AKAP8: variants seen among roughly 807,000 people sequenced by gnomAD.
AKAP8 encodes A-kinase anchor protein 8.
A neutral mutation model predicts 67.5 loss-of-function variants in AKAP8; 24 were observed. The observed-to-expected ratio is 0.36, with a 90% CI of 0.26 to 0.50. AKAP8 has a LOEUF of 0.50. AKAP8 is among the 20% of genes least tolerant of loss of function. The pLI is 0.97. For synonymous variants in AKAP8, 400 were observed against 371.1 expected, an observed-to-expected ratio of 1.08 and a Z score of -0.90; for missense variants, 971 against 955.9, an observed-to-expected ratio of 1.02 and a Z score of -0.21.
At chr19:15,362,288 A>G (rs12981273) in intron 9 of AKAP8, 37 bp from the exon 10 acceptor site, 1 of 1,611,344 alleles carries the variant, frequency 6.2e-7, no homozygotes, top group Non-Finnish European at 8.5e-7. Flanking sequence ...TGAAGCAGGG[A>G]GCATCAGCGA....
At chr19:15,370,281 A>T (rs1266375478) in intron 7 of AKAP8, 102 bp from the exon 8 acceptor site, 5 of 1,362,550 alleles carry the variant, frequency 3.7e-6, no homozygotes, top group Non-Finnish European at 5.2e-6. Context: ...GTCTCACCCA[A>T]GACCTAGGTT....
chr19:15,373,704 CCTCAA>C, intron 4 of AKAP8, 77 bp downstream of exon 4: 1 of 1,473,022 alleles, frequency 6.8e-7, no homozygotes, highest in Non-Finnish European at 9.0e-7. Context: ...ACAGGCCCTC[CCTCAA>C]GAGTGGGTGC....
At chr19:15,366,154 G>GAAAAAAAAAAAAAACAAAAAAA (rs374068497) in intron 9 of AKAP8, among the ~76,000 whole-genome samples, 1 of 95,016 alleles carries the variant, frequency 1.1e-5, no homozygotes, top group Non-Finnish European at 1.9e-5. Context: ...AAAGCAAAAA[G>GAAAAAAAAAAAAAACAAAAAAA]AAAAAAAAAA....
intron 5 of AKAP8, among the ~76,000 whole-genome samples, 199 bp downstream of exon 5, chr19:15,372,652 A>T (rs769281137): frequency 1.3e-5 from 2 of 152,074 alleles, no homozygotes; most frequent in Non-Finnish European, 2.9e-5. Context: ...TAATGAGAAG[A>T]AGTTTCTCTT....
At chr19:15,374,923 C>G (rs1255916900) in intron 2 of AKAP8, among the ~76,000 whole-genome samples, 2 of 152,220 alleles carry the variant, frequency 1.3e-5, no homozygotes, top group Non-Finnish European at 2.9e-5. Context: ...GGCTGCTGGC[C>G]AAGAGGTTGG....
intron 8 of AKAP8, chr19:15,368,861 C>CA (rs1034919819): frequency 1.2e-4 from 115 of 985,152 alleles, no homozygotes; most frequent in Non-Finnish European, 1.3e-4. Flanking sequence ...CTTCCACTCA[C>CA]AAAAACCGTC....
intron 11 of AKAP8, 102 bp from the exon 12 acceptor site, chr19:15,361,080 CAGA>C: frequency 7.0e-7 from 1 of 1,428,418 alleles, no homozygotes; most frequent in East Asian, 2.4e-5. Context: ...TCTAAGGAAT[CAGA>C]AGGGCACAGC....
At chr19:15,366,114 G>T (rs1599563488) in intron 9 of AKAP8, among the ~76,000 whole-genome samples, 3 of 94,148 alleles carry the variant, frequency 3.2e-5, no homozygotes, top group East Asian at 3.2e-4. Flanking sequence ...AAAGTCACCT[G>T]TTCATTGGAA....
In AKAP8 at chr19:15,354,940, G is replaced by T. The variant is rs781734939; in HGVS notation, c.2054C>A (p.Ser685Tyr). The change falls in exon 14 of 14, where the codon TCT (serine) becomes TAT (tyrosine). Residue 685 changes from serine (S) to tyrosine (Y), a missense_variant. Physicochemically the swap from Ser to Tyr is moderately radical, Grantham distance 144 (BLOSUM62 -2). Coordinates refer to ENST00000269701, the MANE Select transcript of AKAP8 (RefSeq NM_005858.4). ...TCATTCTGTGGGAACAGCGTCTTTA[G>T]ACTCTGCATCAGTTTGTTCCACTTC... is the stretch of plus-strand genomic sequence containing the variant. The part of the protein sequence containing the change: ...DAEVEQTDAE[S>Y]KDAVPTE The T allele has an allele frequency of 1.9e-6, 3 of 1,614,006 alleles. No homozygotes were observed. In the African/African-American group the frequency reaches 4.0e-5, roughly 22 times the overall value.
rs556377927 is a variant in AKAP8 at position 15,368,652 on chromosome 19, G to A, written c.1073-330C>T. 4.0e-4 allele frequency: 398 copies of A among 985,152 alleles called. 1 individual carries two copies. Among genetic ancestry groups the A allele is most frequent in the Admixed American group, 8.6e-4 (14 of 16,252 alleles). 61.0% of individuals were successfully genotyped at this position (985,152 alleles called of 1,614,324 possible). On this transcript the variant is annotated intron_variant, in intron 8 of 13. Transcript: ENST00000269701. ...CTGCTTGTCCAATCTCATGCCCTGC[G>A]ATGGGGTCTTCTCCCAATATCACAG... is the stretch of plus-strand genomic sequence containing the variant.
At chr19:15,356,982 G>T (rs754451711) in intron 13 of AKAP8, among the ~76,000 whole-genome samples, 1 of 151,926 alleles carries the variant, frequency 6.6e-6, no homozygotes, top group Non-Finnish European at 1.5e-5. Flanking sequence ...TTTTTGAGAC[G>T]GAGTCTTGGT....
intron 9 of AKAP8, among the ~76,000 whole-genome samples, chr19:15,365,148 C>T (rs974296361): frequency 2.0e-5 from 3 of 152,236 alleles, no homozygotes; most frequent in African/African-American, 7.2e-5. Flanking sequence ...CTCTGGCTGG[C>T]AGCTCTTGGG....
rs2080099714 is a variant in AKAP8, at chr19:15,369,277, C to T, written c.1072+869G>A. On this transcript the variant is annotated intron_variant, in intron 8 of 13. Coordinates refer to ENST00000269701, the MANE Select transcript of AKAP8 (RefSeq NM_005858.4). This position sits in a 1 kb window ranked among gnomAD's most constrained non-coding sequence, Gnocchi z 4.6. ...CTTTAGCATTGTGCCGCTAAGCGCT[C>T]GGGGCGCCCCGTGCTATGGACAGGA... 4 of 985,124 alleles carry T rather than the reference C, an allele frequency of 4.1e-6. No homozygotes were observed. The highest frequency in any genetic ancestry group is 1.7e-5 in the African/African-American group (1 of 57,244). 61.0% of individuals were successfully genotyped at this position (985,124 alleles called of 1,614,324 possible). A position where few individuals can be genotyped will look rare whatever the true frequency, so the allele number is the denominator to read the frequency against.
chr19:15,370,183 GA>G lies in AKAP8; in HGVS notation c.1039-5del, dbSNP rs765325976. The G allele has an allele frequency of 2.2e-5, 36 of 1,614,072 alleles. No individual in the cohort carries two copies. The African/African-American group carries it at 4.3e-4, about 19-fold the overall frequency. Reference sequence around the variant, plus strand: ...CAGAGTCGCAGAGTTCATCCTCCTGGAAAAGAGTATACACAAAGTCCGGCAG... The same window carrying G: ...CAGAGTCGCAGAGTTCATCCTCCTGGAAAGAGTATACACAAAGTCCGGCAG... On this transcript the variant is annotated splice_region_variant and splice_polypyrimidine_tract_variant and intron_variant, in intron 7 of 13. Coordinates refer to ENST00000269701, the MANE Select transcript of AKAP8 (RefSeq NM_005858.4).
rs977983923 is a variant in AKAP8, at chr19:15,376,937, G to C, written c.58+39C>G. The C allele has an allele frequency of 1.9e-6, 3 of 1,600,740 alleles. No homozygotes were observed. The African/African-American group carries it at 4.0e-5, about 21-fold the overall frequency. On this transcript the variant is annotated intron_variant, in intron 2 of 13. Transcript: ENST00000269701. ...TGCCATGCTAGGGCCTTGAGTTAGG[G>C]GAAGCCCACGCCTCACCCGCAAAGC...
At chr19:15,368,158 C>T (rs941945907) in intron 9 of AKAP8, 77 bp downstream of exon 9, 17 of 1,571,394 alleles carry the variant, frequency 1.1e-5, no homozygotes, top group South Asian at 9.2e-5. Flanking sequence ...CATTGTGGAG[C>T]GAGGACAGGT....
At chr19:15,364,094 A>T (rs1350312666) in intron 9 of AKAP8, among the ~76,000 whole-genome samples, 1 of 55,668 alleles carries the variant, frequency 1.8e-5, no homozygotes, top group Non-Finnish European at 3.2e-5. Flanking sequence ...ATAAATAAAT[A>T]AATTGGCAGT....
At chr19:15,370,578 T>C (rs1418426974) in intron 7 of AKAP8, among the ~76,000 whole-genome samples, 1 of 150,206 alleles carries the variant, frequency 6.7e-6, no homozygotes, top group Non-Finnish European at 1.5e-5. Flanking sequence ...TCATAGAAAA[T>C]GGGTTCCACC....
At chr19:15,376,210 T>A (rs1255313118) in intron 2 of AKAP8, among the ~76,000 whole-genome samples, 2 of 152,052 alleles carry the variant, frequency 1.3e-5, no homozygotes, top group Non-Finnish European at 2.9e-5. Flanking sequence ...GTGTGCTGCC[T>A]CGCCCAGCTA....
Sources: allele counts gnomAD v4.1 joint callset (sites outside exome capture counted in the v4.1 genomes callset), GRCh38; gene constraint gnomAD v4.1.1; non-coding constraint Gnocchi (gnomAD v3.1); transcripts MANE v1.5; gene names NCBI Gene and HGNC (gene_info 2026-07-23, HGNC 2026-07-21).